ZCCHC14: variants seen among roughly 807,000 people sequenced by gnomAD.
ZCCHC14 encodes the protein zinc finger CCHC-type containing 14, also known as zinc finger CCHC domain-containing protein 14.
ZCCHC14 carries 16 observed loss-of-function variants against 85.0 expected under a neutral mutation model. The ratio of observed to expected loss-of-function variants is 0.19; its 90% CI spans 0.13 to 0.29. ZCCHC14 has a LOEUF of 0.29. Among genes scored for constraint, ZCCHC14 ranks in the 10% least tolerant of loss-of-function variants. ZCCHC14 has a pLI of 1.00. For missense variants in ZCCHC14, 1,303 were observed against 1,443.5 expected (o/e 0.90, Z 1.58); for synonymous variants, 775 against 630.7 (o/e 1.23, Z -3.43).
chr16:87,433,633 A>G (rs1909770431), intron 2 of ZCCHC14, among the ~76,000 whole-genome samples: 1 of 152,070 alleles, frequency 6.6e-6, no homozygotes. Flanking sequence ...CCAAGAACAC[A>G]GTCACCTGGG....
chr16:87,476,942 T>C (rs1912032470), intron 1 of ZCCHC14, among the ~76,000 whole-genome samples: 1 of 151,216 alleles, frequency 6.6e-6, no homozygotes, highest in East Asian at 1.9e-4. Context: ...CTGACCAACA[T>C]GGTGAAACCT....
chr16:87,413,260 C>T lies in ZCCHC14; in HGVS notation c.1604-65G>A. On this transcript the variant is annotated intron_variant, in intron 10 of 12. Transcript: ENST00000671377. ...CCCTGCAGGCTCAGCCCGCCCCGTG[C>T]CCCTGCATCGCACTGTCGGCAGGTG... 3.4e-6 allele frequency: 5 copies of T among 1,454,848 alleles called. 1 individual carries two copies. The highest frequency in any genetic ancestry group is 2.5e-4 in the Middle Eastern group (1 of 3,996). 90.1% of individuals were successfully genotyped at this position (1,454,848 alleles called of 1,614,324 possible).
intron 3 of ZCCHC14, among the ~76,000 whole-genome samples, chr16:87,427,377 G>A (rs1486957049): frequency 2.6e-5 from 4 of 152,194 alleles, no homozygotes; most frequent in African/African-American, 9.6e-5. Flanking sequence ...GACTGACAGC[G>A]TACTCGGAGC....
intron 12 of ZCCHC14, 45 bp downstream of exon 12, chr16:87,411,471 T>C (rs1908431086): frequency 6.2e-7 from 1 of 1,600,330 alleles, no homozygotes; most frequent in African/African-American, 1.3e-5. Flanking sequence ...TTGTGTGCAC[T>C]GGTCCTGCGG....
At chr16:87,421,275 G>A (rs1346125020) in intron 4 of ZCCHC14, among the ~76,000 whole-genome samples, 1 of 152,212 alleles carries the variant, frequency 6.6e-6, no homozygotes, top group East Asian at 1.9e-4. Context: ...CTGAGGAAAA[G>A]CCCTTAAGAC....
At chr16:87,489,253 C>T (rs1201014226) in intron 1 of ZCCHC14, among the ~76,000 whole-genome samples, 1 of 152,104 alleles carries the variant, frequency 6.6e-6, no homozygotes, top group African/African-American at 2.4e-5. Context: ...TTTTGAAATA[C>T]GGAAATGACA....
chr16:87,420,515 C>T lies in ZCCHC14; in HGVS notation c.950+92G>A. On this transcript the variant is annotated intron_variant, in intron 5 of 12. Transcript: ENST00000671377. This position sits in a 1 kb window ranked among gnomAD's most constrained non-coding sequence, Gnocchi z 5.0. ...CCAGGTCCAGGTGACCGCGCATCCT[C>T]CCAGAGCTCCTTGGAGGACCACAGC... 9.4e-7 allele frequency: 1 copy of T among 1,061,174 alleles called. No homozygotes were observed. The highest frequency in any genetic ancestry group is 2.6e-5 in the East Asian group (1 of 37,968). 65.7% of individuals were successfully genotyped at this position (1,061,174 alleles called of 1,614,324 possible).
chr16:87,479,201 G>A (rs1477816216), intron 1 of ZCCHC14, among the ~76,000 whole-genome samples: 2 of 151,992 alleles, frequency 1.3e-5, no homozygotes, highest in African/African-American at 4.8e-5. Context: ...CAGATCACCT[G>A]AGGTCAGGAG....
At chr16:87,417,825 T>A in intron 7 of ZCCHC14, 83 bp from the exon 8 acceptor site, 1 of 1,439,754 alleles carries the variant, frequency 6.9e-7, no homozygotes. Flanking sequence ...CTTCCAGGCC[T>A]TTCTGTGCCA....
intron 4 of ZCCHC14, among the ~76,000 whole-genome samples, chr16:87,422,929 G>C (rs536839540): frequency 6.6e-6 from 1 of 151,956 alleles, no homozygotes; most frequent in African/African-American, 2.4e-5. Flanking sequence ...TGTTACCCTC[G>C]AAGGCGTGGC....
intron 1 of ZCCHC14, among the ~76,000 whole-genome samples, chr16:87,464,149 C>T (rs1911407766): frequency 6.6e-6 from 1 of 152,208 alleles, no homozygotes. Context: ...AAGCCAGCCT[C>T]CCAACTCTCA....
Position 87,492,444 on chromosome 16 carries a change from C to CGGCG in ZCCHC14, c.-210_-207dup, listed in dbSNP as rs1192220919. 7.0e-6 allele frequency: 1 copy of CGGCG among 143,588 alleles called. No homozygotes were observed. The highest frequency in any genetic ancestry group is 1.5e-5 in the Non-Finnish European group (1 of 64,956). 8.9% of individuals were successfully genotyped at this position (143,588 alleles called of 1,614,324 possible). A position where few individuals can be genotyped will look rare whatever the true frequency, so the allele number is the denominator to read the frequency against. ...GCCGGGCAAGGCTCCCGTCAGGGGC[C>CGGCG]GGCGGGCGGGCGCGCGCGGGGCGCC... On this transcript the variant is annotated 5_prime_UTR_variant, in exon 1 of 13. Transcript: ENST00000671377. This position sits in a 1 kb window ranked among gnomAD's most constrained non-coding sequence, Gnocchi z 6.7.
In ZCCHC14 at chr16:87,463,529, G is replaced by A. The variant is rs554772405; in HGVS notation, c.571-3398C>T. 2.6e-4 allele frequency among the ~76,000 whole-genome samples: 40 copies of A among 152,100 alleles called. 1 individual carries two copies. In the South Asian group the frequency reaches 7.1e-3, roughly 27 times the overall value. On this transcript the variant is annotated intron_variant, in intron 1 of 12. Transcript: ENST00000671377. Reference sequence around the variant, plus strand: ...CTGCCTTTTCTCTTTTTTAAGAGACGGAGTCTCAGCTGGGCACGGTGGCTC... The same window carrying A: ...CTGCCTTTTCTCTTTTTTAAGAGACAGAGTCTCAGCTGGGCACGGTGGCTC...
At chr16:87,461,939 G>A (rs963094042) in intron 1 of ZCCHC14, among the ~76,000 whole-genome samples, 1 of 152,160 alleles carries the variant, frequency 6.6e-6, no homozygotes, top group African/African-American at 2.4e-5. Flanking sequence ...AAAGCAACTT[G>A]TCACAGGGCT....
intron 4 of ZCCHC14, among the ~76,000 whole-genome samples, chr16:87,423,362 C>T (rs533429956): frequency 3.3e-5 from 5 of 151,990 alleles, no homozygotes; most frequent in Admixed American, 2.0e-4. Context: ...CCAGCCTGGG[C>T]GAGAGCAAGA....
chr16:87,491,693 C>T lies in ZCCHC14; in HGVS notation c.546G>A (p.Leu182=). ...CCTTGTGGCAGGCTGGGCAAGTGGG[C>T]AGCGCGCCGCCCGGCCCGGGCGCGC... is the stretch of plus-strand genomic sequence containing the variant. The part of the protein sequence containing the change: ...GKGAPGPGGA[L]PTCPACHKIT... The change falls in exon 1 of 13, where the codon CTG becomes CTA. Residue 182 remains leucine, a synonymous_variant. Coordinates refer to ENST00000671377, the MANE Select transcript of ZCCHC14 (RefSeq NM_015144.3). The surrounding 1 kb of genome is among the most constrained non-coding windows in gnomAD (Gnocchi z 5.9). The T allele has an allele frequency of 7.0e-7, 1 of 1,428,130 alleles. No individual in the cohort carries two copies. The highest frequency in any genetic ancestry group is 1.5e-5 in the South Asian group (1 of 66,580). 88.5% of individuals were successfully genotyped at this position (1,428,130 alleles called of 1,614,324 possible). A position where few individuals can be genotyped will look rare whatever the true frequency, so the allele number is the denominator to read the frequency against.
chr16:87,488,006 G>T (rs1289181493), intron 1 of ZCCHC14, among the ~76,000 whole-genome samples: 1 of 152,156 alleles, frequency 6.6e-6, no homozygotes, highest in Non-Finnish European at 1.5e-5. Flanking sequence ...AATAGGCACT[G>T]GGTTTCTTTT....
At chr16:87,429,347 T>C (rs1252427678) in intron 3 of ZCCHC14, among the ~76,000 whole-genome samples, 2 of 151,862 alleles carry the variant, frequency 1.3e-5, no homozygotes, top group Admixed American at 6.6e-5. Flanking sequence ...GCAAATCATC[T>C]TTTTTTTTCT....
intron 2 of ZCCHC14, among the ~76,000 whole-genome samples, chr16:87,447,896 T>C (rs1421202111): frequency 6.6e-6 from 1 of 152,186 alleles, no homozygotes; most frequent in Non-Finnish European, 1.5e-5. Context: ...CCTCGGTGAA[T>C]AGAAATGATA....
Sources: allele counts gnomAD v4.1 joint callset (sites outside exome capture counted in the v4.1 genomes callset), GRCh38; gene constraint gnomAD v4.1.1; non-coding constraint Gnocchi (gnomAD v3.1); transcripts MANE v1.5; gene names NCBI Gene and HGNC (gene_info 2026-07-23, HGNC 2026-07-21).